Variants in CELF2 observed in about 807,000 individuals in gnomAD.
CELF2 encodes CUG triplet repeat RNA-binding protein 2.
CELF2 carries 8 observed loss-of-function variants against 62.6 expected under a neutral mutation model. That is an observed-to-expected ratio of 0.13 (90% CI 0.07 to 0.23). The LOEUF is 0.23. Among genes scored for constraint, CELF2 ranks in the 10% least tolerant of loss-of-function variants. The pLI is 1.00. For synonymous variants in CELF2, 258 were observed against 250.0 expected, an observed-to-expected ratio of 1.03 and a Z score of -0.30; for missense variants, 333 against 671.0, an observed-to-expected ratio of 0.50 and a Z score of 5.56.
At chr10:10,564,479 T>G in the CELF2 span, among the ~76,000 whole-genome samples, 1 of 152,098 alleles carries the variant, frequency 6.6e-6, no homozygotes, top group Admixed American at 6.6e-5. Context: ...GAAGATATGT[T>G]TTACAGCAAA....
rs2065868708 is a variant in CELF2, at chr10:11,058,461, G to GTTTTTTTGTTT, written c.74+40305_74+40306insGTTTTTTTTTT. Among the ~76,000 whole-genome samples the GTTTTTTTGTTT allele has an allele frequency of 3.4e-5, 4 of 116,806 alleles. 1 individual carries two copies. Among genetic ancestry groups the GTTTTTTTGTTT allele is most frequent in the Non-Finnish European group, 3.4e-5 (2 of 58,674 alleles). The allele number at this position is 116,806 out of a possible 152,430, so 76.6% of individuals were successfully genotyped here. A position where few individuals can be genotyped will look rare whatever the true frequency, so the allele number is the denominator to read the frequency against. ...GAGGTACTGTTGGTTTTTTTTGTTGGTTTTTTTTTTTTTTTTTTTTTTTGT... is the reference window on the plus strand; with the variant it reads ...GAGGTACTGTTGGTTTTTTTTGTTGGTTTTTTTGTTTTTTTTTTTTTTTTTTTTTTTTTTGT... On this transcript the variant is annotated intron_variant, in intron 1 of 12. Coordinates refer to ENST00000633077, the MANE Select transcript of CELF2 (RefSeq NM_001326342.2).
intron 1 of CELF2, among the ~76,000 whole-genome samples, chr10:10,878,097 G>A (rs772626871): frequency 3.9e-5 from 6 of 152,122 alleles, no homozygotes; most frequent in South Asian, 2.1e-4. Flanking sequence ...GGGATTGCTC[G>A]CCCGCCAGCA....
rs372396506 is a variant in CELF2, at chr10:11,089,049, T to C, written c.74+70886T>C. On this transcript the variant is annotated intron_variant, in intron 1 of 12. Coordinates refer to ENST00000633077, the MANE Select transcript of CELF2 (RefSeq NM_001326342.2). ...CCTTCTAGTAGAACCAGGAGAAAGC[T>C]GTACAGTCTTTTCAGCCTAGCCTCA... 3.3e-5 allele frequency among the ~76,000 whole-genome samples: 5 copies of C among 152,158 alleles called. No individual in the cohort carries two copies. The East Asian group carries it at 7.7e-4, about 23-fold the overall frequency.
chr10:11,276,176 T>C (rs1423834730), intron 8 of CELF2, among the ~76,000 whole-genome samples: 2 of 152,174 alleles, frequency 1.3e-5, no homozygotes, highest in African/African-American at 4.8e-5. Flanking sequence ...CAAATGAATC[T>C]GGAAAAACTT....
At chr10:10,895,390 G>C (rs1564784388) in intron 1 of CELF2, among the ~76,000 whole-genome samples, 1 of 152,192 alleles carries the variant, frequency 6.6e-6, no homozygotes, top group South Asian at 2.1e-4. Context: ...TGAGAATCTA[G>C]CTGAAGAGAT....
chr10:10,664,060 A>G, the CELF2 span, among the ~76,000 whole-genome samples: 38 of 152,230 alleles, frequency 2.5e-4, no homozygotes, highest in African/African-American at 8.9e-4. Flanking sequence ...TAACATCCTC[A>G]GAGTCAAAAA....
chr10:10,633,655 G>A, the CELF2 span, among the ~76,000 whole-genome samples: 3 of 151,728 alleles, frequency 2.0e-5, no homozygotes. Flanking sequence ...AATCTTCTGA[G>A]CTTTGTATCA....
At chr10:11,050,460 C>G (rs1224902724) in intron 1 of CELF2, among the ~76,000 whole-genome samples, 1 of 152,208 alleles carries the variant, frequency 6.6e-6, no homozygotes, top group Non-Finnish European at 1.5e-5. Flanking sequence ...TTATTGGAAC[C>G]TGGCCTGGCT....
intron 1 of CELF2, among the ~76,000 whole-genome samples, chr10:11,068,541 CAG>C (rs2140877341): frequency 6.6e-6 from 1 of 151,838 alleles, no homozygotes; most frequent in Non-Finnish European, 1.5e-5. Context: ...AAGGAACAAA[CAG>C]AACATTATGA....
At chr10:10,896,267 C>G (rs2062547764) in intron 1 of CELF2, among the ~76,000 whole-genome samples, 2 of 152,102 alleles carry the variant, frequency 1.3e-5, no homozygotes, top group South Asian at 4.1e-4. Flanking sequence ...ATAGAAGGGT[C>G]TTGCCTCCAC....
Position 10,958,000 on chromosome 10 carries a change from G to A in CELF2, c.89+38001G>A, listed in dbSNP as rs2049085880. Among the ~76,000 whole-genome samples, 1 of 152,210 alleles carries A rather than the reference G, an allele frequency of 6.6e-6. No homozygotes were observed. Among genetic ancestry groups the A allele is most frequent in the Non-Finnish European group, 1.5e-5 (1 of 68,038 alleles). On this transcript the variant is annotated intron_variant, in intron 2 of 13. Transcript: ENST00000636488. This position sits in a 1 kb window ranked among gnomAD's most constrained non-coding sequence, Gnocchi z 4.1. The stretch of plus-strand genomic sequence containing the variant: ...ATATGAAATCTTCACCAGGTGGAGG[G>A]TGAAGTAAGCAAATTAAATGTGAGT...
chr10:10,616,518 T>C, the CELF2 span, among the ~76,000 whole-genome samples: 3 of 151,978 alleles, frequency 2.0e-5, no homozygotes, highest in Admixed American at 6.5e-5. Flanking sequence ...GTTGGATGTA[T>C]AAATGGGATT....
chr10:10,665,096 G>T, the CELF2 span, among the ~76,000 whole-genome samples: 1 of 152,114 alleles, frequency 6.6e-6, no homozygotes, highest in Non-Finnish European at 1.5e-5. Context: ...GTTTATTTGG[G>T]CCCCAGAGCC....
chr10:11,271,085 C>A (rs1244927379), intron 7 of CELF2, among the ~76,000 whole-genome samples: 4 of 152,184 alleles, frequency 2.6e-5, no homozygotes, highest in Admixed American at 2.0e-4. Context: ...CCCCAAGGCC[C>A]TGAGTTAGAA....
chr10:10,727,119 A>G, the CELF2 span, among the ~76,000 whole-genome samples: 1 of 152,196 alleles, frequency 6.6e-6, no homozygotes, highest in Admixed American at 6.5e-5. Context: ...ACCTCCGGCC[A>G]GGCCCCGCTT....
At chr10:10,855,413 T>C (rs1291959626) in intron 1 of CELF2, among the ~76,000 whole-genome samples, 1 of 152,144 alleles carries the variant, frequency 6.6e-6, no homozygotes, top group Non-Finnish European at 1.5e-5. Flanking sequence ...TCTAAATCCA[T>C]TGGCACTGGT....
chr10:10,708,246 A>G, the CELF2 span, among the ~76,000 whole-genome samples: 1 of 152,174 alleles, frequency 6.6e-6, no homozygotes. Flanking sequence ...ATGTTTAGAA[A>G]CTATAAGCTC....
intron 1 of CELF2, among the ~76,000 whole-genome samples, chr10:10,819,336 C>A (rs1011650662): frequency 1.3e-5 from 2 of 152,112 alleles, no homozygotes; most frequent in African/African-American, 2.4e-5. Flanking sequence ...TCAGACGCAG[C>A]GCTCTGGGAT....
intron 1 of CELF2, among the ~76,000 whole-genome samples, chr10:10,911,248 G>A (rs549839334): frequency 8.5e-5 from 13 of 152,322 alleles, no homozygotes; most frequent in East Asian, 5.8e-4. Flanking sequence ...GCTCCTCTGC[G>A]GAGGTGATTA....
Sources: allele counts gnomAD v4.1 joint callset (sites outside exome capture counted in the v4.1 genomes callset), GRCh38; gene constraint gnomAD v4.1.1; non-coding constraint Gnocchi (gnomAD v3.1); transcripts MANE v1.5; gene names NCBI Gene and HGNC (gene_info 2026-07-23, HGNC 2026-07-21).